Variants in FAF1 observed in about 807,000 individuals in gnomAD.
The protein encoded by FAF1 is FAS-associated factor 1.
A neutral mutation model predicts 92.5 loss-of-function variants in FAF1; 25 were observed. That is an observed-to-expected ratio of 0.27 (90% CI 0.20 to 0.38). The LOEUF (loss-of-function observed/expected upper bound fraction) is 0.38, where lower values mean the gene tolerates loss of function less well. Ranked by LOEUF, FAF1 falls within the 10% of genes least tolerant of loss-of-function variation. FAF1 has a pLI of 1.00. For synonymous variants in FAF1, 234 were observed against 273.2 expected, an observed-to-expected ratio of 0.86 and a Z score of 1.42; for missense variants, 636 against 793.3, an observed-to-expected ratio of 0.80 and a Z score of 2.38.
chr1:50,914,024 C>G lies in FAF1; in HGVS notation c.45+45743G>C, dbSNP rs192775149. The stretch of plus-strand genomic sequence containing the variant: ...CTTTGTAAATTAATATTCCACACAA[C>G]AGATCAATCTCCTGTATATCTGTTA... On this transcript the variant is annotated intron_variant, in intron 1 of 18. Transcript: ENST00000396153. 1.4e-3 allele frequency among the ~76,000 whole-genome samples: 213 copies of G among 152,298 alleles called. 2 individuals carry two copies. Among genetic ancestry groups the G allele is most frequent in the African/African-American group, 5.0e-3 (208 of 41,560 alleles).
chr1:50,891,188 T>C (rs560932919), intron 1 of FAF1, among the ~76,000 whole-genome samples: 1 of 152,248 alleles, frequency 6.6e-6, no homozygotes, highest in Non-Finnish European at 1.5e-5. Flanking sequence ...ATGTAGTTCT[T>C]GTGCCACGGT....
At chr1:50,828,801 G>A (rs1644128064) in intron 2 of FAF1, among the ~76,000 whole-genome samples, 2 of 152,110 alleles carry the variant, frequency 1.3e-5, no homozygotes, top group African/African-American at 4.8e-5. Context: ...ATAAAGGAAA[G>A]AATAAACTGA....
At chr1:50,658,214 A>ATCTT (rs1655212604) in intron 7 of FAF1, among the ~76,000 whole-genome samples, 2 of 152,208 alleles carry the variant, frequency 1.3e-5, no homozygotes, top group Non-Finnish European at 2.9e-5. Context: ...AAAATAATTA[A>ATCTT]GAAATTATTA....
intron 7 of FAF1, among the ~76,000 whole-genome samples, chr1:50,668,006 A>G (rs761590140): frequency 6.6e-6 from 1 of 152,220 alleles, no homozygotes; most frequent in Non-Finnish European, 1.5e-5. Flanking sequence ...AGATGTGAAA[A>G]AAGTGGTGGG....
chr1:50,538,311 TC>T (rs762959051), intron 14 of FAF1, among the ~76,000 whole-genome samples: 1 of 151,902 alleles, frequency 6.6e-6, no homozygotes, highest in African/African-American at 2.4e-5. Context: ...TACCCATACC[TC>T]CCATTGTGCC....
intron 7 of FAF1, among the ~76,000 whole-genome samples, chr1:50,702,097 C>T (rs1033387171): frequency 1.3e-5 from 2 of 152,062 alleles, no homozygotes; most frequent in Non-Finnish European, 2.9e-5. Context: ...TTTTGCCTAA[C>T]AGAAGCTTCT....
chr1:50,796,360 A>G (rs959881507), intron 3 of FAF1, among the ~76,000 whole-genome samples: 7 of 151,826 alleles, frequency 4.6e-5, no homozygotes, highest in Middle Eastern at 6.8e-3. Context: ...TTTTTACGGC[A>G]CCTTTTCCAT....
chr1:50,749,539 A>G (rs1659766323), intron 4 of FAF1, among the ~76,000 whole-genome samples: 1 of 152,220 alleles, frequency 6.6e-6, no homozygotes, highest in South Asian at 2.1e-4. Context: ...TAATCCCAGC[A>G]CTTTGGGAAG....
chr1:50,597,103 T>G (rs1333856674), intron 8 of FAF1, among the ~76,000 whole-genome samples: 2 of 151,212 alleles, frequency 1.3e-5, no homozygotes, highest in African/African-American at 4.9e-5. Context: ...ATAATAAGGT[T>G]GAGTTTATGG....
chr1:50,938,574 AG>A (rs1645105319), intron 1 of FAF1, among the ~76,000 whole-genome samples: 1 of 152,158 alleles, frequency 6.6e-6, no homozygotes, highest in Non-Finnish European at 1.5e-5. Context: ...GAAGCTCTTT[AG>A]TTTAATCATG....
chr1:50,801,570 C>G, intron 3 of FAF1, 61 bp downstream of exon 3: 1 of 899,622 alleles, frequency 1.1e-6, no homozygotes, highest in Non-Finnish European at 1.8e-6. Context: ...AAAAAATTAA[C>G]AGCTAGCTCT....
intron 2 of FAF1, chr1:50,846,493 A>G: frequency 2.0e-6 from 1 of 490,036 alleles, no homozygotes; most frequent in South Asian, 1.5e-5. Flanking sequence ...GCTGGCTTTA[A>G]TCCTGAAAGC....
intron 1 of FAF1, among the ~76,000 whole-genome samples, chr1:50,906,363 C>T (rs1253493374): frequency 1.3e-5 from 2 of 152,150 alleles, no homozygotes; most frequent in Non-Finnish European, 1.5e-5. Context: ...GCAATGCAGG[C>T]TCTTTTTTGG....
intron 1 of FAF1, among the ~76,000 whole-genome samples, chr1:50,887,791 T>C (rs932745511): frequency 4.6e-5 from 7 of 152,230 alleles, no homozygotes; most frequent in African/African-American, 1.4e-4. Context: ...CTTTGCAGTA[T>C]AGTTTCAAGT....
intron 2 of FAF1, among the ~76,000 whole-genome samples, chr1:50,822,244 C>A (rs1209107212): frequency 6.6e-6 from 1 of 152,054 alleles, no homozygotes; most frequent in African/African-American, 2.4e-5. Context: ...CTGAACTCTT[C>A]CAAGTAGATA....
chr1:50,506,836 A>G (rs1647064937), intron 15 of FAF1, among the ~76,000 whole-genome samples: 1 of 152,246 alleles, frequency 6.6e-6, no homozygotes, highest in Non-Finnish European at 1.5e-5. Flanking sequence ...AAGGAAAAAA[A>G]GCTAAGGTAC....
chr1:50,647,985 G>A (rs973700425), intron 8 of FAF1, among the ~76,000 whole-genome samples: 7 of 152,172 alleles, frequency 4.6e-5, no homozygotes, highest in Middle Eastern at 3.2e-3. Flanking sequence ...TTGGCTGGGC[G>A]CGGTGGCTCA....
intron 9 of FAF1, among the ~76,000 whole-genome samples, chr1:50,585,919 A>T (rs1651210248): frequency 1.4e-5 from 2 of 146,744 alleles, no homozygotes; most frequent in South Asian, 2.2e-4. Flanking sequence ...GTCTGGCATG[A>T]TGGTGTGCCG....
intron 12 of FAF1, among the ~76,000 whole-genome samples, chr1:50,569,256 T>G (rs1260892121): frequency 2.6e-5 from 4 of 152,120 alleles, no homozygotes; most frequent in African/African-American, 7.2e-5. Context: ...TCCATTAGTA[T>G]TATAACTGTT....
Sources: allele counts gnomAD v4.1 joint callset (sites outside exome capture counted in the v4.1 genomes callset), GRCh38; gene constraint gnomAD v4.1.1; transcripts MANE v1.5; gene names NCBI Gene and HGNC (gene_info 2026-07-23, HGNC 2026-07-21).